Variants in AKT3 observed in about 807,000 individuals in gnomAD.
AKT3 encodes AKT serine/threonine kinase 3, also known as RAC-gamma serine/threonine-protein kinase.
In AKT3, 15 loss-of-function variants were observed where a neutral mutation model predicts 65.3. The ratio of observed to expected loss-of-function variants is 0.23; its 90% CI spans 0.15 to 0.35. AKT3 has a LOEUF of 0.35. Among genes scored for constraint, AKT3 ranks in the 10% least tolerant of loss-of-function variants. The pLI is 1.00. For missense variants in AKT3, 243 were observed against 576.5 expected (o/e 0.42, Z 5.92); for synonymous variants, 206 against 183.8 (o/e 1.12, Z -0.98).
At chr1:243,745,235 G>A (rs953901957) in intron 2 of AKT3, among the ~76,000 whole-genome samples, 3 of 152,104 alleles carry the variant, frequency 2.0e-5, no homozygotes, top group African/African-American at 4.8e-5. Context: ...AGCTACTCAA[G>A]AGGCTGAGGT....
chr1:243,712,139 G>A (rs1686201277), intron 2 of AKT3, among the ~76,000 whole-genome samples: 1 of 152,288 alleles, frequency 6.6e-6, no homozygotes, highest in South Asian at 2.1e-4. Flanking sequence ...CTATGAAACT[G>A]TAAATACATG....
intron 2 of AKT3, among the ~76,000 whole-genome samples, chr1:243,818,452 A>C (rs1345374971): frequency 4.6e-5 from 7 of 152,190 alleles, no homozygotes; most frequent in Non-Finnish European, 1.0e-4. Context: ...GTAAATAAAG[A>C]AATTAGTTTG....
intron 9 of AKT3, among the ~76,000 whole-genome samples, chr1:243,566,968 G>A (rs2148494465): frequency 6.6e-6 from 1 of 152,180 alleles, no homozygotes; most frequent in East Asian, 1.9e-4. Flanking sequence ...TTTTCAATAT[G>A]CAATAATTTA....
chr1:243,769,507 T>C (rs772380223), intron 2 of AKT3, among the ~76,000 whole-genome samples: 2 of 152,214 alleles, frequency 1.3e-5, no homozygotes, highest in Admixed American at 1.3e-4. Flanking sequence ...TGAGTTGATA[T>C]CTCACATGAT....
chr1:243,495,807 T>G (rs1667709859), downstream of AKT3, among the ~76,000 whole-genome samples: 1 of 152,190 alleles, frequency 6.6e-6, no homozygotes, highest in Non-Finnish European at 1.5e-5. Flanking sequence ...CGTGGCTTAT[T>G]TCATCCAGGT....
intron 2 of AKT3, among the ~76,000 whole-genome samples, chr1:243,824,098 A>G (rs879361336): frequency 6.6e-6 from 1 of 152,210 alleles, no homozygotes; most frequent in Admixed American, 6.5e-5. Context: ...TCTCAGATAT[A>G]AGACCACAGG....
In AKT3 at chr1:243,750,313, G is replaced by T. The variant is rs115872442; in HGVS notation, c.47-54597C>A. On this transcript the variant is annotated intron_variant, in intron 2 of 13. Coordinates refer to ENST00000673466, the MANE Select transcript of AKT3 (RefSeq NM_005465.7). ...TACATTTTGTATCATCTTTAGATGT[G>T]TCCTAAGGTTTTAAAAATTCTCTAT... Among the ~76,000 whole-genome samples the T allele has an allele frequency of 2.3e-3, 350 of 151,838 alleles. 2 individuals are homozygous for T. The highest frequency in any genetic ancestry group is 8.3e-3 in the African/African-American group (345 of 41,358).
At chr1:243,730,388 G>A (rs1416036140) in intron 2 of AKT3, among the ~76,000 whole-genome samples, 2 of 152,184 alleles carry the variant, frequency 1.3e-5, no homozygotes, top group Admixed American at 6.5e-5. Flanking sequence ...CCTGGACAAA[G>A]GACCAGAATT....
chr1:243,561,863 G>C (rs558690859), intron 10 of AKT3, among the ~76,000 whole-genome samples: 16 of 152,148 alleles, frequency 1.1e-4, no homozygotes, highest in Non-Finnish European at 2.1e-4. Context: ...GGCTGTGGCA[G>C]TATCTCCCAT....
chr1:243,527,898 C>CAAGCAAGACTCCATCTCTTAAA (rs1275312401), intron 12 of AKT3, among the ~76,000 whole-genome samples: 118 of 106,384 alleles, frequency 1.1e-3, no homozygotes, highest in African/African-American at 4.8e-3. Context: ...CACACACACA[C>CAAGCAAGACTCCATCTCTTAAA]ACACACACAC....
chr1:243,700,628 C>T (rs1209491946), intron 2 of AKT3, among the ~76,000 whole-genome samples: 4 of 151,778 alleles, frequency 2.6e-5, no homozygotes, highest in Non-Finnish European at 5.9e-5. Context: ...CTCAGCCTCC[C>T]GAGTAGCTGG....
intron 4 of AKT3, among the ~76,000 whole-genome samples, chr1:243,647,456 C>G (rs901775961): frequency 6.6e-6 from 1 of 152,190 alleles, no homozygotes; most frequent in Non-Finnish European, 1.5e-5. Flanking sequence ...AGTATGTTTA[C>G]ACAATGTTCC....
Position 243,504,636 on chromosome 1 carries a change from T to A in AKT3, c.*613A>T, listed in dbSNP as rs996129952. 7.3e-5 allele frequency: 12 copies of A among 164,618 alleles called. No homozygotes were observed. The highest frequency in any genetic ancestry group is 1.1e-4 in the East Asian group (1 of 8,828). 10.2% of individuals were successfully genotyped at this position (164,618 alleles called of 1,614,324 possible). On this transcript the variant is annotated 3_prime_UTR_variant, in exon 14 of 14. Coordinates refer to ENST00000673466, the MANE Select transcript of AKT3 (RefSeq NM_005465.7). ...CCACCAGGAATTTAAAAAAAAAAAA[T>A]TATATATATATATATATATCCCAAC...
At chr1:243,791,867 GTT>G (rs1161156419) in intron 2 of AKT3, among the ~76,000 whole-genome samples, 1 of 152,170 alleles carries the variant, frequency 6.6e-6, no homozygotes, top group Non-Finnish European at 1.5e-5. Flanking sequence ...ATTTTAAAGT[GTT>G]ATGCACTTAA....
chr1:243,625,173 C>T (rs1679070552), intron 6 of AKT3: 1 of 144,152 alleles, frequency 6.9e-6, no homozygotes, highest in Non-Finnish European at 1.4e-5. Flanking sequence ...GCTGTGTCTC[C>T]CAGGCTGGAG....
intron 1 of AKT3, among the ~76,000 whole-genome samples, chr1:243,845,661 G>A (rs896762845): frequency 1.3e-5 from 2 of 149,834 alleles, no homozygotes; most frequent in African/African-American, 4.9e-5. Context: ...TAATATGCAT[G>A]TAAAATCATT....
upstream of AKT3, among the ~76,000 whole-genome samples, chr1:243,850,827 G>T (rs1401529845): frequency 6.6e-6 from 1 of 151,974 alleles, no homozygotes; most frequent in Non-Finnish European, 1.5e-5. Context: ...AGCCGGGAGC[G>T]GGGGCAGTCG....
chr1:243,557,865 T>G (rs764660365), intron 10 of AKT3, among the ~76,000 whole-genome samples: 13 of 151,972 alleles, frequency 8.6e-5, no homozygotes, highest in Admixed American at 2.6e-4. Context: ...AAATAAAATG[T>G]TAGGGTTGTC....
At chr1:243,845,919 T>C (rs1478312266) in intron 1 of AKT3, among the ~76,000 whole-genome samples, 1 of 152,110 alleles carries the variant, frequency 6.6e-6, no homozygotes, top group Non-Finnish European at 1.5e-5. Flanking sequence ...CTGTATAAGG[T>C]CACTTTAATT....
Sources: allele counts gnomAD v4.1 joint callset (sites outside exome capture counted in the v4.1 genomes callset), GRCh38; gene constraint gnomAD v4.1.1; transcripts MANE v1.5; gene names NCBI Gene and HGNC (gene_info 2026-07-23, HGNC 2026-07-21).